Variants in MAT2B observed in about 807,000 individuals in gnomAD.
MAT2B encodes the protein methionine adenosyltransferase 2 non-catalytic beta subunit.
In MAT2B, 16 loss-of-function variants were observed where a neutral mutation model predicts 36.1. The ratio of observed to expected loss-of-function variants is 0.44; its 90% CI spans 0.30 to 0.67. The LOEUF (loss-of-function observed/expected upper bound fraction) is 0.67, where lower values mean the gene tolerates loss of function less well. Ranked by LOEUF, MAT2B falls within the 30% of genes least tolerant of loss-of-function variation. The probability of loss-of-function intolerance (pLI) is 0.09; values close to 1 mark genes in which losing one functional copy is unlikely to be tolerated. For missense variants in MAT2B, 332 were observed against 398.2 expected, an observed-to-expected ratio of 0.83 and a Z score of 1.42; for synonymous variants, 148 against 136.9, an observed-to-expected ratio of 1.08 and a Z score of -0.57.
chr5:163,509,002 T>A (rs897102857), intron 1 of MAT2B, among the ~76,000 whole-genome samples: 2 of 152,128 alleles, frequency 1.3e-5, no homozygotes, highest in Non-Finnish European at 2.9e-5. Context: ...CCACTTCCTT[T>A]TTTACGTTAA....
At chr5:163,508,430 G>A (rs1759978860) in intron 1 of MAT2B, among the ~76,000 whole-genome samples, 1 of 151,662 alleles carries the variant, frequency 6.6e-6, no homozygotes, top group African/African-American at 2.4e-5. Flanking sequence ...TAGAGACAGC[G>A]TTTCACCATG....
At chr5:163,510,394 CTTTTTTTTTT>C (rs1270371144) in intron 1 of MAT2B, among the ~76,000 whole-genome samples, 7 of 121,752 alleles carry the variant, frequency 5.7e-5, no homozygotes, top group Non-Finnish European at 1.0e-4. Context: ...TTAGTTTTAG[CTTTTTTTTTT>C]TTTTTTTTGA....
At chr5:163,509,863 C>G (rs931307145) in intron 1 of MAT2B, among the ~76,000 whole-genome samples, 2 of 152,226 alleles carry the variant, frequency 1.3e-5, no homozygotes, top group Non-Finnish European at 2.9e-5. Context: ...TTTTGCAACA[C>G]AGCCTGAATG....
chr5:163,505,791 G>C (rs764079729), intron 1 of MAT2B, 42 bp downstream of exon 1: 1 of 1,246,338 alleles, frequency 8.0e-7, no homozygotes, highest in South Asian at 4.1e-5. Flanking sequence ...GAGCGGGGGC[G>C]CCGAGGGGGA....
intron 5 of MAT2B, 129 bp from the exon 6 acceptor site, chr5:163,517,430 GGA>G: frequency 1.9e-6 from 1 of 522,024 alleles, no homozygotes; most frequent in Non-Finnish European, 3.6e-6. Flanking sequence ...GATATCTTGT[GGA>G]GACCTTTCCA....
rs1165357862 is a variant in MAT2B at position 163,505,830 on chromosome 5, A to C, written c.63+81A>C. 16 of 1,122,674 alleles carry C rather than the reference A, an allele frequency of 1.4e-5. No individual in the cohort carries two copies. The Admixed American group carries it at 5.5e-4, about 39-fold the overall frequency. 69.5% of individuals were successfully genotyped at this position (1,122,674 alleles called of 1,614,324 possible). A position where few individuals can be genotyped will look rare whatever the true frequency, so the allele number is the denominator to read the frequency against. On this transcript the variant is annotated intron_variant, in intron 1 of 6. Transcript: ENST00000321757. ...GCCACCGGGGCTCGGGCGGCTTTGC[A>C]GGCGTATTCCGCCCGGGTCAGAGCC...
At chr5:163,509,925 A>G (rs1188304805) in intron 1 of MAT2B, among the ~76,000 whole-genome samples, 1 of 152,234 alleles carries the variant, frequency 6.6e-6, no homozygotes, top group Non-Finnish European at 1.5e-5. Flanking sequence ...CTAAGGAAAA[A>G]TAATCCTAAG....
At position 163,512,019 on chromosome 5, in the gene MAT2B, T is replaced by A. The variant is rs527861246; in HGVS notation, c.81T>A (p.Pro27=). 6 of 1,613,744 alleles carry A rather than the reference T, an allele frequency of 3.7e-6. No individual in the cohort carries two copies. In the South Asian group the frequency reaches 4.4e-5, roughly 12 times the overall value. Residue 27 remains proline (P), a synonymous_variant, in exon 2 of 7, where the codon CCT becomes CCA. Coordinates refer to ENST00000321757, the MANE Select transcript of MAT2B (RefSeq NM_013283.5). ...CCTTTTAGGAGGAAGTTAACATCCCTAATAGGAGGGTTCTGGTTACTGGTG... is the reference window on the plus strand; with the variant it reads ...CCTTTTAGGAGGAAGTTAACATCCCAAATAGGAGGGTTCTGGTTACTGGTG... ...CRLVEEEVNI[P]NRRVLVTGAT...
intron 1 of MAT2B, among the ~76,000 whole-genome samples, chr5:163,510,810 G>A (rs181389555): frequency 1.6e-4 from 24 of 152,028 alleles, no homozygotes; most frequent in African/African-American, 5.1e-4. Context: ...TTTCCTCCTC[G>A]TATATTCCTT....
chr5:163,503,219 C>A (rs930743241), upstream of MAT2B: 4 of 615,234 alleles, frequency 6.5e-6, no homozygotes, highest in Non-Finnish European at 1.2e-5. Context: ...ATGTGGAGAA[C>A]TGCACGAGAT....
chr5:163,515,945 C>T (rs1421179496), intron 4 of MAT2B, among the ~76,000 whole-genome samples: 17 of 151,790 alleles, frequency 1.1e-4, no homozygotes, highest in Non-Finnish European at 1.2e-4. Flanking sequence ...GTGTTGTCCA[C>T]GCTGGTCTCG....
At chr5:163,504,930 C>A (rs1019174273), upstream of MAT2B, among the ~76,000 whole-genome samples, 8 of 152,062 alleles carry the variant, frequency 5.3e-5, no homozygotes, top group Non-Finnish European at 4.4e-5. Context: ...AAGTCGGACC[C>A]CGGGCTCGTT....
At chr5:163,517,732 T>A in intron 6 of MAT2B, 58 bp downstream of exon 6, 1 of 1,076,010 alleles carries the variant, frequency 9.3e-7, no homozygotes, top group Non-Finnish European at 1.4e-6. Context: ...ATTATTGCTG[T>A]GTTGGGTAAC....
At chr5:163,506,418 T>C (rs928878712) in intron 1 of MAT2B, among the ~76,000 whole-genome samples, 4 of 152,146 alleles carry the variant, frequency 2.6e-5, no homozygotes, top group African/African-American at 7.2e-5. Context: ...TGGTGATGAT[T>C]GGAAGATCCA....
In MAT2B at chr5:163,513,604, A is replaced by G. The variant is rs1419777193; in HGVS notation, c.308A>G (p.Glu103Gly). The G allele has an allele frequency of 1.2e-6, 2 of 1,613,868 alleles. No individual in the cohort carries two copies. Among genetic ancestry groups the G allele is most frequent in the Non-Finnish European group, 1.7e-6 (2 of 1,179,904 alleles). ...GCAGAGAGAAGACCAGATGTTGTAG[A>G]AAATCAGCCAGATGCTGCCTCTCAA... Reference protein sequence around the residue: ...CAAERRPDVVENQPDAASQLN... With the variant: ...CAAERRPDVVGNQPDAASQLN... The change falls in exon 3 of 7, where the codon GAA (glutamate) becomes GGA (glycine). Residue 103 changes from glutamate to glycine, a missense_variant. Transcript: ENST00000321757.
rs1273330294 is a variant in MAT2B, at chr5:163,517,019, G to C, written c.720+308G>C. Reference sequence around the variant, plus strand: ...AAGATACTCTTTGGGGGCTGGGCGTGATGGCTCACACCTGTAATCCCAGCA... The same window carrying C: ...AAGATACTCTTTGGGGGCTGGGCGTCATGGCTCACACCTGTAATCCCAGCA... On this transcript the variant is annotated intron_variant, in intron 5 of 6. Transcript: ENST00000321757. The C allele has an allele frequency of 1.2e-5, 6 of 494,856 alleles. No homozygotes were observed. In the East Asian group the frequency reaches 1.3e-4, roughly 10 times the overall value. The allele number at this position is 494,856 out of a possible 1,614,324, so 30.7% of individuals were successfully genotyped here.
At position 163,509,108 on chromosome 5, in the gene MAT2B, T is replaced by TA. The variant is rs1170493905; in HGVS notation, c.64-2892dup. On this transcript the variant is annotated intron_variant, in intron 1 of 6. Coordinates refer to ENST00000321757, the MANE Select transcript of MAT2B (RefSeq NM_013283.5). The stretch of plus-strand genomic sequence containing the variant: ...ATTAAAAGAAGATCATCTGGGCTCT[T>TA]AAGTTGCATTAAGTTAGCAAAAACT... 3.3e-5 allele frequency among the ~76,000 whole-genome samples: 5 copies of TA among 152,306 alleles called. No homozygotes were observed. In the East Asian group the frequency reaches 9.6e-4, roughly 29 times the overall value.
chr5:163,504,971 G>A (rs979322821), upstream of MAT2B, among the ~76,000 whole-genome samples: 4 of 151,964 alleles, frequency 2.6e-5, no homozygotes, highest in Admixed American at 2.0e-4. Context: ...TAAAGTCCAA[G>A]GATCTGCGTT....
chr5:163,503,467 A>C (rs371487878), upstream of MAT2B: 3 of 1,580,446 alleles, frequency 1.9e-6, no homozygotes, highest in African/African-American at 4.0e-5. Flanking sequence ...CTAGAGTAAG[A>C]GATGCTTTAA....
Sources: gnomAD v4.1 joint callset for allele counts (sites outside exome capture counted in the v4.1 genomes callset) on GRCh38, gnomAD v4.1.1 for gene constraint, MANE v1.5 for transcripts, NCBI Gene and HGNC (gene_info 2026-07-23, HGNC 2026-07-21) for gene names.